CACNA1C: variants seen among roughly 807,000 people sequenced by gnomAD.
CACNA1C encodes the protein voltage-dependent L-type calcium channel subunit alpha-1C.
Under a neutral mutation model 229.0 loss-of-function variants are expected in CACNA1C, and 30 were observed. That is an observed-to-expected ratio of 0.13 (90% CI 0.10 to 0.18). The LOEUF is 0.18. Ranked by LOEUF, CACNA1C falls within the 10% of genes least tolerant of loss-of-function variation. The probability of loss-of-function intolerance (pLI) is 1.00; values close to 1 mark genes in which losing one functional copy is unlikely to be tolerated. For synonymous variants in CACNA1C, 1,114 were observed against 1,132.5 expected, an observed-to-expected ratio of 0.98 and a Z score of 0.33; for missense variants, 1,658 against 2,845.0, an observed-to-expected ratio of 0.58 and a Z score of 9.49.
At position 2,664,928 on chromosome 12, in the gene CACNA1C, C is replaced by G. The variant is rs758143691; in HGVS notation, c.4336C>G (p.Pro1446Ala). 2 of 1,614,132 alleles carry G rather than the reference C, an allele frequency of 1.2e-6. No individual in the cohort carries two copies. Among genetic ancestry groups the G allele is most frequent in the Non-Finnish European group, 1.7e-6 (2 of 1,179,960 alleles). The stretch of plus-strand genomic sequence containing the variant: ...CAGCAACAGCACGGAGGGTGAAACA[C>G]CCTGTGGTAGCAGCTTTGCTGTCTT... ...EPSNSTEGETPCGSSFAVFYF... is the reference protein window; with the variant it reads ...EPSNSTEGETACGSSFAVFYF... Residue 1446 changes from proline (P) to alanine (A), a missense_variant, in exon 35 of 47, where the codon CCC becomes GCC. Around this residue, in one of 20 missense-constraint regions of CACNA1C, gnomAD observed 151 missense variants for 344.4 expected, o/e 0.44. Transcript: ENST00000399655.
chr12:2,205,275 T>C (rs1214208666), intron 3 of CACNA1C, among the ~76,000 whole-genome samples: 1 of 152,188 alleles, frequency 6.6e-6, no homozygotes, highest in East Asian at 1.9e-4. Context: ...CCTGAACCAG[T>C]CCTGAGAGGC....
Position 2,665,046 on chromosome 12 carries a change from G to A in CACNA1C, c.4398+56G>A, listed in dbSNP as rs2095998441. 7 of 1,576,494 alleles carry A rather than the reference G, an allele frequency of 4.4e-6. No individual in the cohort carries two copies. In the East Asian group the frequency reaches 1.3e-4, roughly 30 times the overall value. On this transcript the variant is annotated intron_variant, in intron 35 of 46. Transcript: ENST00000399655. The surrounding 1 kb of genome is among the most constrained non-coding windows in gnomAD (Gnocchi z 5.9). Reference sequence around the variant, plus strand: ...GCCATGACTGCCCAGTTCCAGGGCAGTCTGAACCGTCCATCTCTGCAGCTC... The same window carrying A: ...GCCATGACTGCCCAGTTCCAGGGCAATCTGAACCGTCCATCTCTGCAGCTC...
At chr12:2,531,595 C>T (rs1388399727) in intron 9 of CACNA1C, among the ~76,000 whole-genome samples, 4 of 152,178 alleles carry the variant, frequency 2.6e-5, no homozygotes, top group Admixed American at 6.5e-5. Flanking sequence ...CCTCATTTTG[C>T]AAAGAGACGC....
chr12:2,602,547 CTA>C lies in CACNA1C; in HGVS notation c.2960+589_2960+590del, dbSNP rs3062138. ...TTTGTGTTTGTGTCTGCATATGTGT[CTA>C]TGGACGTGAATGTATATGTGTATGT... On this transcript the variant is annotated intron_variant, in intron 22 of 46. Transcript: ENST00000399655. This position sits in a 1 kb window ranked among gnomAD's most constrained non-coding sequence, Gnocchi z 4.4. 0.046 allele frequency among the ~76,000 whole-genome samples: 6,944 copies of C among 151,464 alleles called. 224 individuals carry two copies. Among genetic ancestry groups the C allele is most frequent in the Middle Eastern group, 0.075 (22 of 294 alleles).
At chr12:2,515,637 A>T (rs921353658) in intron 9 of CACNA1C, among the ~76,000 whole-genome samples, 1 of 152,162 alleles carries the variant, frequency 6.6e-6, no homozygotes, top group African/African-American at 2.4e-5. Context: ...CAGCATCTGG[A>T]TGCCCGTGGT....
At chr12:2,323,605 G>C in intron 3 of CACNA1C, among the ~76,000 whole-genome samples, 1 of 152,148 alleles carries the variant, frequency 6.6e-6, no homozygotes, top group Admixed American at 6.5e-5. Context: ...CCCTGGACCT[G>C]TCCCCTGCGA....
At chr12:2,656,413 G>A (rs2095424146) in intron 34 of CACNA1C, among the ~76,000 whole-genome samples, 1 of 152,122 alleles carries the variant, frequency 6.6e-6, no homozygotes, top group South Asian at 2.1e-4. Context: ...ATAAAACATT[G>A]ATAAAAGAAA....
rs1168320508 is a variant in CACNA1C, at chr12:2,566,051, A to G, written c.1509-371A>G. On this transcript the variant is annotated intron_variant, in intron 11 of 46. Coordinates refer to ENST00000399655, the MANE Select transcript of CACNA1C (RefSeq NM_000719.7). This position sits in a 1 kb window ranked among gnomAD's most constrained non-coding sequence, Gnocchi z 4.0. The stretch of plus-strand genomic sequence containing the variant: ...GGCCCCTCCTCCACTGTTACTAATA[A>G]TGCTCTTATTGCTTACAACACTATT... Among the ~76,000 whole-genome samples the G allele has an allele frequency of 2.0e-5, 3 of 152,180 alleles. No homozygotes were observed. The highest frequency in any genetic ancestry group is 2.9e-5 in the Non-Finnish European group (2 of 68,040).
rs1322509110 is a variant in CACNA1C at position 2,655,177 on chromosome 12, A to G, written c.4171A>G (p.Thr1391Ala). ...TGGGAAAATTGCCCTGAATGATACC[A>G]CAGAGATCAACCGGAACAACAACTT... Reference protein sequence around the residue: ...VFGKIALNDTTEINRNNNFQT... With the variant: ...VFGKIALNDTAEINRNNNFQT... The change falls in exon 34 of 47, where the codon ACA becomes GCA. Residue 1391 changes from threonine to alanine, a missense_variant. Transcript: ENST00000399655. 6.2e-7 allele frequency: 1 copy of G among 1,613,516 alleles called. No individual in the cohort carries two copies. Among genetic ancestry groups the G allele is most frequent in the East Asian group, 2.2e-5 (1 of 44,870 alleles).
chr12:2,582,792 G>T (rs773432586), intron 14 of CACNA1C, 30 bp from the exon 15 acceptor site: 1 of 1,612,736 alleles, frequency 6.2e-7, no homozygotes, highest in South Asian at 1.1e-5. Context: ...CTAACGCTGT[G>T]TCCCTTATTG....
At chr12:2,456,872 T>G (rs1392722490) in intron 4 of CACNA1C, among the ~76,000 whole-genome samples, 1 of 152,238 alleles carries the variant, frequency 6.6e-6, no homozygotes, top group Non-Finnish European at 1.5e-5. Flanking sequence ...TTTGTCCATT[T>G]TGCTATAGCC....
At position 2,493,078 on chromosome 12, in the gene CACNA1C, C is replaced by T; in HGVS notation, c.917-112C>T. The T allele has an allele frequency of 3.6e-6, 3 of 826,360 alleles. No homozygotes were observed. The highest frequency in any genetic ancestry group is 5.9e-6 in the Non-Finnish European group (3 of 506,762). 51.2% of individuals were successfully genotyped at this position (826,360 alleles called of 1,614,324 possible). ...TCTTGCGCTGTTGTTGCCATGGTTG[C>T]TTTGCCCATCCCATCAACCTCATCC... On this transcript the variant is annotated intron_variant, in intron 6 of 46. Coordinates refer to ENST00000399655, the MANE Select transcript of CACNA1C (RefSeq NM_000719.7). The surrounding 1 kb of genome is among the most constrained non-coding windows in gnomAD (Gnocchi z 4.6).
chr12:2,006,958 C>T (rs2043577884), intron 1 of CACNA1C, among the ~76,000 whole-genome samples: 1 of 152,200 alleles, frequency 6.6e-6, no homozygotes, highest in Non-Finnish European at 1.5e-5. Flanking sequence ...CATAGGGCTG[C>T]AGCAACTGAG....
In CACNA1C at chr12:2,282,682, G is replaced by A. The variant is rs138495839; in HGVS notation, c.477+162252G>A. Among the ~76,000 whole-genome samples, 785 of 152,270 alleles carry A rather than the reference G, an allele frequency of 5.2e-3. 7 individuals carry two copies. Among genetic ancestry groups the A allele is most frequent in the African/African-American group, 0.018 (744 of 41,544 alleles). On this transcript the variant is annotated intron_variant, in intron 3 of 46. Transcript: ENST00000399655. ...AAAAGGAGACCTGCAGTCTGGCTGC[G>A]GCAGGTCTCAGCAGAATCTTTAGCT...
chr12:2,103,340 G>T (rs1565696120), intron 1 of CACNA1C, among the ~76,000 whole-genome samples: 1 of 152,232 alleles, frequency 6.6e-6, no homozygotes, highest in Non-Finnish European at 1.5e-5. Flanking sequence ...GACCAGTGAT[G>T]ATGAGCTTTT....
chr12:2,399,624 C>T (rs140864535), intron 3 of CACNA1C, among the ~76,000 whole-genome samples: 1,648 of 152,322 alleles, frequency 0.011, 27 homozygotes, highest in African/African-American at 0.037. Flanking sequence ...TTCTCTGCCA[C>T]GCTGCTCTGC....
chr12:2,501,209 C>CAAACAAAAAAAA (rs2099759194), intron 7 of CACNA1C, among the ~76,000 whole-genome samples: 1 of 31,386 alleles, frequency 3.2e-5, no homozygotes, highest in Non-Finnish European at 5.2e-5. Context: ...GACTCCACCT[C>CAAACAAAAAAAA]AAAAAAAAAA....
At chr12:2,081,525 C>T (rs573599940) in intron 1 of CACNA1C, among the ~76,000 whole-genome samples, 14 of 151,524 alleles carry the variant, frequency 9.2e-5, no homozygotes, top group South Asian at 2.1e-4. Context: ...GAGCCGAGAT[C>T]GCGCCACTGC....
intron 1 of CACNA1C, among the ~76,000 whole-genome samples, chr12:1,984,978 C>T (rs907770716): frequency 1.3e-5 from 2 of 150,774 alleles, no homozygotes; most frequent in African/African-American, 4.9e-5. Flanking sequence ...TGCAGTCATT[C>T]AAAACATTAT....
Sources: gnomAD v4.1 joint callset for allele counts (sites outside exome capture counted in the v4.1 genomes callset) on GRCh38, gnomAD v4.1.1 for gene constraint, gnomAD v4.1.1 regional missense constraint, Gnocchi (gnomAD v3.1) non-coding constraint, MANE v1.5 for transcripts, NCBI Gene and HGNC (gene_info 2026-07-23, HGNC 2026-07-21) for gene names.